Variants in FAT3 observed in about 807,000 individuals in gnomAD.
FAT3 encodes the protein protocadherin Fat 3.
A neutral mutation model predicts 310.2 loss-of-function variants in FAT3; 95 were observed. The observed-to-expected ratio is 0.31, with a 90% CI of 0.26 to 0.36. FAT3 has a LOEUF of 0.36. Ranked by LOEUF, FAT3 falls within the 10% of genes least tolerant of loss-of-function variation. FAT3 has a pLI of 1.00. For missense variants in FAT3, 5,408 were observed against 5,715.6 expected (o/e 0.95, Z 1.74); for synonymous variants, 2,314 against 2,192.9 (o/e 1.06, Z -1.54).
intron 22 of FAT3, among the ~76,000 whole-genome samples, chr11:92,871,259 A>G (rs535033321): frequency 6.6e-6 from 1 of 152,358 alleles, no homozygotes; most frequent in Admixed American, 6.5e-5. Context: ...ATATTTAAAA[A>G]GTGGGAAAGG....
chr11:92,834,271 A>G (rs1425636610), intron 14 of FAT3, among the ~76,000 whole-genome samples: 1 of 152,204 alleles, frequency 6.6e-6, no homozygotes, highest in Non-Finnish European at 1.5e-5. Flanking sequence ...TAAACTCAAT[A>G]TGTGGCTGCT....
At chr11:92,454,027 A>G (rs1951432514) in intron 2 of FAT3, among the ~76,000 whole-genome samples, 1 of 152,352 alleles carries the variant, frequency 6.6e-6, no homozygotes, top group African/African-American at 2.4e-5. Context: ...AAAAGGTAAA[A>G]ATAATTGTAA....
chr11:92,419,692 T>A (rs1002020460), intron 2 of FAT3, among the ~76,000 whole-genome samples: 1 of 152,210 alleles, frequency 6.6e-6, no homozygotes, highest in Non-Finnish European at 1.5e-5. Flanking sequence ...CTGGTGTTAC[T>A]GATTTATATT....
intron 1 of FAT3, among the ~76,000 whole-genome samples, chr11:92,226,193 A>C (rs1341683569): frequency 6.6e-6 from 1 of 152,120 alleles, no homozygotes; most frequent in African/African-American, 2.4e-5. Flanking sequence ...GGATTCCGCC[A>C]GTGGGAGTCG....
At chr11:92,540,108 G>A (rs991578583) in intron 3 of FAT3, among the ~76,000 whole-genome samples, 2 of 152,158 alleles carry the variant, frequency 1.3e-5, no homozygotes, top group African/African-American at 4.8e-5. Context: ...GTAATATTTG[G>A]GTCTCCTCCC....
chr11:92,526,226 C>A (rs573900029), intron 3 of FAT3, among the ~76,000 whole-genome samples: 5 of 152,284 alleles, frequency 3.3e-5, no homozygotes, highest in Admixed American at 6.5e-5. Flanking sequence ...TCCTGGGAAG[C>A]CCTCCTGATT....
intron 4 of FAT3, among the ~76,000 whole-genome samples, chr11:92,717,703 T>A (rs1200969899): frequency 6.6e-6 from 1 of 152,200 alleles, no homozygotes; most frequent in Non-Finnish European, 1.5e-5. Context: ...TAAAATTGAT[T>A]TTAGTTCACT....
chr11:92,407,326 G>A (rs1565291673), intron 2 of FAT3, among the ~76,000 whole-genome samples: 1 of 152,144 alleles, frequency 6.6e-6, no homozygotes, highest in Non-Finnish European at 1.5e-5. Flanking sequence ...TAGTGAGGGG[G>A]AAGGCAAGCA....
intron 17 of FAT3, 32 bp from the exon 18 acceptor site, chr11:92,840,530 T>C: frequency 6.7e-7 from 1 of 1,491,258 alleles, no homozygotes; most frequent in Non-Finnish European, 9.0e-7. Context: ...GTAATTTTTA[T>C]CTTCATTTTT....
At chr11:92,307,138 G>A (rs1947161979) in intron 1 of FAT3, among the ~76,000 whole-genome samples, 1 of 151,666 alleles carries the variant, frequency 6.6e-6, no homozygotes, top group African/African-American at 2.4e-5. Flanking sequence ...TACTTAAAGG[G>A]AGTCCTCCAC....
At chr11:92,439,255 CA>C (rs1412431649) in intron 2 of FAT3, among the ~76,000 whole-genome samples, 2 of 152,032 alleles carry the variant, frequency 1.3e-5, no homozygotes, top group Admixed American at 6.5e-5. Context: ...AAAAACAGGC[CA>C]GTGCCTCTGA....
chr11:92,451,742 G>A (rs928216132), intron 2 of FAT3, among the ~76,000 whole-genome samples: 8 of 152,096 alleles, frequency 5.3e-5, no homozygotes, highest in African/African-American at 1.7e-4. Context: ...TAATGAGTGG[G>A]GACAAGATCT....
chr11:92,602,548 A>G (rs545218085), intron 3 of FAT3, among the ~76,000 whole-genome samples: 1 of 152,230 alleles, frequency 6.6e-6, no homozygotes, highest in Non-Finnish European at 1.5e-5. Flanking sequence ...TTTTGAGTCT[A>G]TGCTACTAAG....
chr11:92,763,290 G>A (rs1258541715), intron 5 of FAT3, among the ~76,000 whole-genome samples: 2 of 152,040 alleles, frequency 1.3e-5, no homozygotes, highest in Admixed American at 1.3e-4. Flanking sequence ...TCTAGACGTG[G>A]GCTCCTTGCT....
At chr11:92,701,746 G>A (rs1164474886) in intron 4 of FAT3, among the ~76,000 whole-genome samples, 3 of 152,202 alleles carry the variant, frequency 2.0e-5, no homozygotes, top group Admixed American at 6.5e-5. Flanking sequence ...GTGAATTAAC[G>A]TTTTAGTTTT....
chr11:92,743,005 G>A (rs1038964835), intron 4 of FAT3, among the ~76,000 whole-genome samples: 1 of 152,190 alleles, frequency 6.6e-6, no homozygotes, highest in Non-Finnish European at 1.5e-5. Context: ...TAATACTGAA[G>A]AGTATGCACT....
At chr11:92,418,433 C>CCA (rs1350703697) in intron 2 of FAT3, among the ~76,000 whole-genome samples, 5 of 106,690 alleles carry the variant, frequency 4.7e-5, no homozygotes, top group East Asian at 3.6e-4. Context: ...CCCCCACCCC[C>CCA]CCACACACAC....
intron 1 of FAT3, among the ~76,000 whole-genome samples, chr11:92,265,191 G>A (rs1945902473): frequency 6.6e-6 from 1 of 151,764 alleles, no homozygotes; most frequent in East Asian, 2.0e-4. Context: ...TAGTGACCTG[G>A]GCCCTGAAAC....
chr11:92,800,623 A>G lies in FAT3; in HGVS notation c.7610A>G (p.Asn2537Ser), dbSNP rs750774403. 13 of 1,613,670 alleles carry G rather than the reference A, an allele frequency of 8.1e-6. No individual in the cohort carries two copies. Among genetic ancestry groups the G allele is most frequent in the East Asian group, 2.2e-5 (1 of 44,838 alleles). ...GGGCAGATCAGCTATGCCATCATCA[A>G]TGACTTTGCCAAGGATCGATTCCTC... ...TYGQISYAIINDFAKDRFLID... is the reference protein window; with the variant it reads ...TYGQISYAIISDFAKDRFLID... The change falls in exon 10 of 28, where the codon AAT becomes AGT. Residue 2537 changes from asparagine (N) to serine (S), a missense_variant. This residue lies in a region of FAT3 where 4,588 missense variants were observed against 4,809.8 expected (regional missense o/e 0.95). Coordinates refer to ENST00000525166, the MANE Select transcript of FAT3 (RefSeq NM_001367949.2).
Sources: allele counts gnomAD v4.1 joint callset (sites outside exome capture counted in the v4.1 genomes callset), GRCh38; gene constraint gnomAD v4.1.1; regional missense constraint gnomAD v4.1.1; transcripts MANE v1.5; gene names NCBI Gene and HGNC (gene_info 2026-07-23, HGNC 2026-07-21).